The following CRACD variants were observed in gnomAD, a reference collection of about 807,000 sequenced individuals.
CRACD encodes the protein capping protein-inhibiting regulator of actin dynamics.
A neutral mutation model predicts 106.8 loss-of-function variants in CRACD; 56 were observed. The ratio of observed to expected loss-of-function variants is 0.52; its 90% confidence interval spans 0.42 to 0.66. The LOEUF is 0.66. CRACD is among the 30% of genes least tolerant of loss of function. CRACD has a pLI of 0.00. For missense variants in CRACD, 1,730 were observed against 1,623.2 expected (o/e 1.07, Z -1.13); for synonymous variants, 754 against 670.8 (o/e 1.12, Z -1.92).
intron 3 of CRACD, among the ~76,000 whole-genome samples, chr4:56,285,018 C>T (rs1358197300): frequency 6.6e-6 from 1 of 152,130 alleles, no homozygotes; most frequent in Non-Finnish European, 1.5e-5. Context: ...GTTCCACAAG[C>T]TTAACAGGAA....
intron 1 of CRACD, among the ~76,000 whole-genome samples, chr4:56,057,549 A>C (rs1019509130): frequency 2.0e-5 from 3 of 152,140 alleles, no homozygotes; most frequent in Non-Finnish European, 4.4e-5. Flanking sequence ...TGACAGGGGT[A>C]AATAAGATAT....
intron 1 of CRACD, among the ~76,000 whole-genome samples, chr4:56,054,853 A>G (rs1041692636): frequency 1.2e-4 from 18 of 152,224 alleles, no homozygotes; most frequent in African/African-American, 4.1e-4. Flanking sequence ...GGAAACATAA[A>G]TATTTCAGTC....
At chr4:56,165,319 CTG>C (rs1736103854) in intron 1 of CRACD, among the ~76,000 whole-genome samples, 1 of 152,206 alleles carries the variant, frequency 6.6e-6, no homozygotes, top group African/African-American at 2.4e-5. Context: ...CCCTGCTCCT[CTG>C]GAGCTCACAT....
At chr4:56,186,739 G>T (rs1402505456) in intron 2 of CRACD, among the ~76,000 whole-genome samples, 1 of 152,126 alleles carries the variant, frequency 6.6e-6, no homozygotes, top group Non-Finnish European at 1.5e-5. Context: ...GTTGTATCTT[G>T]TCTGTCCTCC....
intron 1 of CRACD, among the ~76,000 whole-genome samples, chr4:56,177,222 T>C (rs1487825691): frequency 6.6e-6 from 1 of 152,232 alleles, no homozygotes; most frequent in Non-Finnish European, 1.5e-5. Context: ...GACTTTATTG[T>C]CTTGAGGTAT....
chr4:56,313,099 T>G, intron 6 of CRACD, 98 bp from the exon 7 acceptor site: 1 of 1,076,070 alleles, frequency 9.3e-7, no homozygotes, highest in African/African-American at 1.6e-5. Context: ...TGGGCCAGGC[T>G]GGGCGAGGCG....
At chr4:56,190,301 G>A (rs1271178516) in intron 2 of CRACD, among the ~76,000 whole-genome samples, 4 of 151,800 alleles carry the variant, frequency 2.6e-5, no homozygotes, top group African/African-American at 9.7e-5. Context: ...TGTCTTTATA[G>A]CTGCATGATT....
chr4:56,232,431 G>T (rs1001951255), intron 2 of CRACD, among the ~76,000 whole-genome samples: 10 of 152,186 alleles, frequency 6.6e-5, no homozygotes, highest in South Asian at 2.1e-4. Context: ...CCTATGTGGA[G>T]CTTCTGTGAA....
At chr4:56,193,414 G>A (rs1263189661) in intron 2 of CRACD, among the ~76,000 whole-genome samples, 1 of 152,082 alleles carries the variant, frequency 6.6e-6, no homozygotes, top group Non-Finnish European at 1.5e-5. Flanking sequence ...TTCATTTGGG[G>A]GAGACTATTT....
At chr4:56,195,668 G>T (rs1737572588) in intron 2 of CRACD, among the ~76,000 whole-genome samples, 2 of 152,256 alleles carry the variant, frequency 1.3e-5, no homozygotes, top group Admixed American at 1.3e-4. Context: ...TTTTGCCTTT[G>T]GTCGTGAATC....
chr4:56,192,591 A>G lies in CRACD; in HGVS notation c.-189+13161A>G, dbSNP rs186276088. On this transcript the variant is annotated intron_variant, in intron 2 of 10. Coordinates refer to ENST00000682029, the MANE Select transcript of CRACD (RefSeq NM_001393381.1). ...AACAGTAGAGAAATGAAATGAGTTG[A>G]AAAGAACTCAGACCAAGAGATAGAA... Among the ~76,000 whole-genome samples, 684 of 152,282 alleles carry G rather than the reference A, an allele frequency of 4.5e-3. 3 individuals carry two copies. Among genetic ancestry groups the G allele is most frequent in the African/African-American group, 0.016 (649 of 41,550 alleles).
chr4:56,253,499 G>C (rs1741165627), intron 2 of CRACD, among the ~76,000 whole-genome samples: 1 of 152,134 alleles, frequency 6.6e-6, no homozygotes, highest in African/African-American at 2.4e-5. Flanking sequence ...TAAGACTCCA[G>C]GGTTTGTTTC....
intron 1 of CRACD, among the ~76,000 whole-genome samples, chr4:56,098,589 T>C (rs1733671402): frequency 6.6e-6 from 1 of 152,220 alleles, no homozygotes; most frequent in African/African-American, 2.4e-5. Flanking sequence ...GTATAAACTC[T>C]ACTTCTTCCA....
intron 1 of CRACD, among the ~76,000 whole-genome samples, chr4:56,144,857 T>C (rs944216721): frequency 1.3e-5 from 2 of 152,176 alleles, no homozygotes; most frequent in Admixed American, 6.5e-5. Flanking sequence ...TTTTGCTATG[T>C]TGGCCAGGCT....
chr4:56,050,880 C>T (rs1220750746), intron 1 of CRACD, among the ~76,000 whole-genome samples: 1 of 152,184 alleles, frequency 6.6e-6, no homozygotes, highest in Non-Finnish European at 1.5e-5. Flanking sequence ...AAAGACTTAG[C>T]AGTACTTACC....
chr4:56,126,008 G>A (rs1355241971), intron 1 of CRACD, among the ~76,000 whole-genome samples: 1 of 151,956 alleles, frequency 6.6e-6, no homozygotes, highest in Admixed American at 6.6e-5. Flanking sequence ...CTGAACTCAG[G>A]TGATCTGCTC....
intron 4 of CRACD, among the ~76,000 whole-genome samples, chr4:56,305,496 T>C (rs780433360): frequency 5.3e-5 from 8 of 150,702 alleles, no homozygotes; most frequent in Non-Finnish European, 1.0e-4. Context: ...ATCCATTGGC[T>C]GTTCTAACCA....
Position 56,328,647 on chromosome 4 carries a change from T to C in CRACD, c.*843T>C. 1 of 260,642 alleles carries C rather than the reference T, an allele frequency of 3.8e-6. No individual in the cohort carries two copies. Among genetic ancestry groups the C allele is most frequent in the Non-Finnish European group, 7.6e-6 (1 of 131,704 alleles). The allele number at this position is 260,642 out of a possible 1,614,324, so 16.1% of individuals were successfully genotyped here. A position where few individuals can be genotyped will look rare whatever the true frequency, so the allele number is the denominator to read the frequency against. ...AGGCTCCCTCCTAGGGCCTACTCAATCAGAGCCTGTGGGGACTGGGCCAGG... is the reference window on the plus strand; with the variant it reads ...AGGCTCCCTCCTAGGGCCTACTCAACCAGAGCCTGTGGGGACTGGGCCAGG... On this transcript the variant is annotated 3_prime_UTR_variant, in exon 11 of 11. Coordinates refer to ENST00000682029, the MANE Select transcript of CRACD (RefSeq NM_001393381.1).
intron 2 of CRACD, among the ~76,000 whole-genome samples, 192 bp downstream of exon 2, chr4:56,179,622 T>C (rs1736726815): frequency 3.3e-5 from 5 of 152,316 alleles, no homozygotes; most frequent in South Asian, 4.1e-4. Flanking sequence ...CTGAGTCAAC[T>C]TGGACAAGTG....
Sources: gnomAD v4.1 joint callset for allele counts (sites outside exome capture counted in the v4.1 genomes callset) on GRCh38, gnomAD v4.1.1 for gene constraint, MANE v1.5 for transcripts, NCBI Gene and HGNC (gene_info 2026-07-23, HGNC 2026-07-21) for gene names.